Variants in INTS9 observed in about 807,000 individuals in gnomAD.
The protein encoded by INTS9 is integrator complex subunit 9.
A neutral mutation model predicts 79.7 loss-of-function variants in INTS9; 55 were observed. The observed-to-expected ratio is 0.69, with a 90% CI of 0.56 to 0.86. The LOEUF (loss-of-function observed/expected upper bound fraction) is 0.86. Ranked by LOEUF, INTS9 falls within the 40% of genes least tolerant of loss-of-function variation. The pLI is 0.00. For missense variants in INTS9, 721 were observed against 831.5 expected, an observed-to-expected ratio of 0.87 and a Z score of 1.64; for synonymous variants, 319 against 325.2, an observed-to-expected ratio of 0.98 and a Z score of 0.20.
At chr8:28,880,828 C>T (rs1331429173) in intron 1 of INTS9, among the ~76,000 whole-genome samples, 4 of 149,520 alleles carry the variant, frequency 2.7e-5, no homozygotes, top group Non-Finnish European at 6.0e-5. Context: ...TCTTCCCCGC[C>T]GCCATCCCAT....
At chr8:28,771,488 G>T (rs1022717448) in intron 14 of INTS9, among the ~76,000 whole-genome samples, 27 of 152,184 alleles carry the variant, frequency 1.8e-4, no homozygotes, top group African/African-American at 6.3e-4. Flanking sequence ...TCTGTTGCTG[G>T]GTTTAGCTGC....
chr8:28,837,185 C>G (rs994495710), intron 5 of INTS9, among the ~76,000 whole-genome samples: 1 of 152,160 alleles, frequency 6.6e-6, no homozygotes, highest in Admixed American at 6.5e-5. Flanking sequence ...CATCTATTTA[C>G]TTATCTATCC....
intron 1 of INTS9, among the ~76,000 whole-genome samples, chr8:28,879,932 G>A (rs1386930481): frequency 6.6e-6 from 1 of 152,016 alleles, no homozygotes; most frequent in Non-Finnish European, 1.5e-5. Flanking sequence ...TGGAGTAATG[G>A]AAATGCGCTA....
intron 8 of INTS9, chr8:28,798,343 T>C (rs1804332444): frequency 6.6e-6 from 1 of 152,186 alleles, no homozygotes; most frequent in African/African-American, 2.4e-5. Flanking sequence ...AAGGCATCAA[T>C]GGATAGCACA....
intron 8 of INTS9, among the ~76,000 whole-genome samples, chr8:28,809,614 C>A (rs936790440): frequency 6.6e-6 from 1 of 152,126 alleles, no homozygotes; most frequent in Non-Finnish European, 1.5e-5. Context: ...CTGGAAATTA[C>A]ATCAATAGTA....
chr8:28,771,656 C>A (rs139174687), intron 14 of INTS9, among the ~76,000 whole-genome samples: 1 of 152,348 alleles, frequency 6.6e-6, no homozygotes, highest in East Asian at 1.9e-4. Flanking sequence ...GTACGTGAGG[C>A]CTGTTTCATG....
At chr8:28,840,998 A>G (rs1807152322) in intron 4 of INTS9, among the ~76,000 whole-genome samples, 1 of 151,520 alleles carries the variant, frequency 6.6e-6, no homozygotes, top group South Asian at 2.1e-4. Flanking sequence ...ACATAAGCAG[A>G]TGAAGAGAGG....
At chr8:28,778,570 C>T (rs1803043906) in intron 12 of INTS9, among the ~76,000 whole-genome samples, 1 of 152,184 alleles carries the variant, frequency 6.6e-6, no homozygotes, top group Non-Finnish European at 1.5e-5. Flanking sequence ...GGATGCTCCC[C>T]AGCAGCCCCA....
At position 28,770,122 on chromosome 8, in the gene INTS9, C is replaced by A. The variant is rs781471142; in HGVS notation, c.1663-96G>T. 25 of 1,464,064 alleles carry A rather than the reference C, an allele frequency of 1.7e-5. No individual in the cohort carries two copies. The Middle Eastern group carries it at 1.3e-3, about 74-fold the overall frequency. The allele number at this position is 1,464,064 out of a possible 1,614,324, so 90.7% of individuals were successfully genotyped here. A position where few individuals can be genotyped will look rare whatever the true frequency, so the allele number is the denominator to read the frequency against. On this transcript the variant is annotated intron_variant, in intron 15 of 16. Coordinates refer to ENST00000521022, the MANE Select transcript of INTS9 (RefSeq NM_018250.4). ...AGAGCCTGAGACTATCCTGTCCTCA[C>A]AGGCCACAGAGCCCCGGCCCGGTTT... is the stretch of plus-strand genomic sequence containing the variant.
intron 8 of INTS9, among the ~76,000 whole-genome samples, chr8:28,799,876 C>T (rs937590788): frequency 3.3e-5 from 5 of 152,176 alleles, no homozygotes; most frequent in African/African-American, 1.2e-4. Context: ...TAATACATGG[C>T]TTTTTGGCAG....
chr8:28,835,508 T>C (rs1793449665), intron 5 of INTS9, 130 bp from the exon 6 acceptor site: 1 of 599,320 alleles, frequency 1.7e-6, no homozygotes, highest in Non-Finnish European at 3.0e-6. Context: ...TCTTCCTCTC[T>C]GCTGCACATA....
At chr8:28,779,469 A>G (rs1333596621) in intron 12 of INTS9, among the ~76,000 whole-genome samples, 2 of 152,178 alleles carry the variant, frequency 1.3e-5, no homozygotes, top group African/African-American at 4.8e-5. Context: ...GGCCAAAGAC[A>G]AGACCCCTCT....
intron 10 of INTS9, 128 bp from the exon 11 acceptor site, chr8:28,788,017 A>C: frequency 2.0e-6 from 1 of 509,830 alleles, no homozygotes; most frequent in Middle Eastern, 2.9e-4. Context: ...AGTGAATTTC[A>C]CTGTGAATGA....
chr8:28,776,928 A>T (rs1563242738), intron 13 of INTS9, among the ~76,000 whole-genome samples: 1 of 152,262 alleles, frequency 6.6e-6, no homozygotes, highest in East Asian at 1.9e-4. Flanking sequence ...ATGAGCATAC[A>T]TTGGGGTAGC....
At chr8:28,782,726 G>A (rs1358740098) in intron 11 of INTS9, among the ~76,000 whole-genome samples, 1 of 152,174 alleles carries the variant, frequency 6.6e-6, no homozygotes, top group Non-Finnish European at 1.5e-5. Flanking sequence ...GACCAGGCTG[G>A]GCAACAAAGC....
intron 4 of INTS9, among the ~76,000 whole-genome samples, chr8:28,844,183 G>A (rs1409818985): frequency 2.6e-5 from 4 of 151,332 alleles, no homozygotes; most frequent in African/African-American, 9.8e-5. Context: ...GCTTGTTTAC[G>A]TTTCTTTTGA....
intron 8 of INTS9, among the ~76,000 whole-genome samples, chr8:28,797,190 G>A (rs1585371035): frequency 1.3e-5 from 2 of 152,118 alleles, no homozygotes; most frequent in Admixed American, 6.6e-5. Context: ...TGCCGGCCTG[G>A]GGAATCACAC....
intron 15 of INTS9, 108 bp from the exon 16 acceptor site, chr8:28,770,134 C>A (rs1037541478): frequency 2.6e-5 from 36 of 1,389,186 alleles, no homozygotes; most frequent in Non-Finnish European, 3.5e-5. Context: ...GGCCACAGAG[C>A]CCCGGCCCGG....
chr8:28,784,320 G>A (rs1803463753), intron 11 of INTS9, among the ~76,000 whole-genome samples: 1 of 152,216 alleles, frequency 6.6e-6, no homozygotes, highest in Non-Finnish European at 1.5e-5. Context: ...AAGGCTGACT[G>A]CAAAGGAAGC....
Sources: allele counts gnomAD v4.1 joint callset (sites outside exome capture counted in the v4.1 genomes callset), GRCh38; gene constraint gnomAD v4.1.1; transcripts MANE v1.5; gene names NCBI Gene and HGNC (gene_info 2026-07-23, HGNC 2026-07-21).